MACROD2: variants seen among roughly 807,000 people sequenced by gnomAD.
MACROD2 encodes the protein mono-ADP ribosylhydrolase 2, also known as ADP-ribose glycohydrolase MACROD2.
MACROD2 carries 36 observed loss-of-function variants against 70.4 expected under a neutral mutation model. The ratio of observed to expected loss-of-function variants is 0.51; its 90% CI spans 0.39 to 0.68. The LOEUF (loss-of-function observed/expected upper bound fraction) is 0.68. Among genes scored for constraint, MACROD2 ranks in the 30% least tolerant of loss-of-function variants. The probability of loss-of-function intolerance (pLI) is 0.00; values close to 1 mark genes in which losing one functional copy is unlikely to be tolerated. For missense variants in MACROD2, 496 were observed against 538.4 expected (o/e 0.92, Z 0.78); for synonymous variants, 172 against 178.8 (o/e 0.96, Z 0.30).
At chr20:15,959,119 T>G (rs550943612) in intron 12 of MACROD2, among the ~76,000 whole-genome samples, 1 of 152,346 alleles carries the variant, frequency 6.6e-6, no homozygotes, top group Non-Finnish European at 1.5e-5. Context: ...AACAAAATCC[T>G]TCTATAATTG....
intron 8 of MACROD2, among the ~76,000 whole-genome samples, chr20:15,808,244 C>T (rs772757341): frequency 1.8e-4 from 27 of 152,166 alleles, no homozygotes; most frequent in Non-Finnish European, 4.4e-5. Context: ...GGCTGTGGCT[C>T]TTCCTGCTAC....
At chr20:15,967,694 A>G in intron 13 of MACROD2, 64 bp downstream of exon 13, 1 of 1,410,228 alleles carries the variant, frequency 7.1e-7, no homozygotes, top group South Asian at 1.3e-5. Context: ...AAAAAAAAAA[A>G]AAAAAAACCC....
intron 9 of MACROD2, among the ~76,000 whole-genome samples, chr20:15,876,091 T>TTTTATATATATATATATATATA (rs1555789633): frequency 4.2e-4 from 14 of 33,104 alleles, no homozygotes; most frequent in African/African-American, 1.0e-3. Context: ...TACATGTCTT[T>TTTTATATATATATATATATATA]TATATATATA....
At chr20:15,279,163 T>G (rs1168081681) in intron 6 of MACROD2, among the ~76,000 whole-genome samples, 1 of 152,236 alleles carries the variant, frequency 6.6e-6, no homozygotes, top group Non-Finnish European at 1.5e-5. Flanking sequence ...TTCTGTGTTG[T>G]TAATGGCTTA....
At chr20:14,945,119 T>G (rs1228317117) in intron 5 of MACROD2, among the ~76,000 whole-genome samples, 1 of 151,936 alleles carries the variant, frequency 6.6e-6, no homozygotes, top group Admixed American at 6.6e-5. Flanking sequence ...TCTTTCTTTT[T>G]TTTTTCTTTT....
chr20:15,761,068 C>T (rs560049997), intron 8 of MACROD2, among the ~76,000 whole-genome samples: 7 of 152,174 alleles, frequency 4.6e-5, no homozygotes, highest in South Asian at 4.1e-4. Context: ...TGTTTTGAGA[C>T]GGAGTCTCAC....
intron 8 of MACROD2, among the ~76,000 whole-genome samples, chr20:15,861,764 G>A (rs1446252259): frequency 6.6e-6 from 1 of 152,156 alleles, no homozygotes; most frequent in Non-Finnish European, 1.5e-5. Context: ...CATCACACAG[G>A]TTTGGAGAGC....
intron 8 of MACROD2, among the ~76,000 whole-genome samples, chr20:15,715,797 G>A (rs4813188): frequency 0.91 from 138,302 of 152,182 alleles, 63,272 homozygotes; most frequent in African/African-American, 0.96. Flanking sequence ...AGCCCTAATC[G>A]AAGTGTTTGA....
intron 2 of MACROD2, among the ~76,000 whole-genome samples, chr20:14,036,006 G>C (rs537238889): frequency 6.7e-5 from 10 of 149,706 alleles, no homozygotes; most frequent in Non-Finnish European, 1.5e-4. Context: ...GCCAGGCGTG[G>C]TGGCGGGTGC....
chr20:15,441,699 A>T (rs1268712936), intron 7 of MACROD2, among the ~76,000 whole-genome samples: 1 of 152,172 alleles, frequency 6.6e-6, no homozygotes, highest in Admixed American at 6.6e-5. Flanking sequence ...TGGGGTTTGG[A>T]TGTGCACTCC....
intron 6 of MACROD2, among the ~76,000 whole-genome samples, chr20:15,416,622 TG>T (rs1378046576): frequency 6.6e-6 from 1 of 152,180 alleles, no homozygotes; most frequent in Non-Finnish European, 1.5e-5. Flanking sequence ...GTGGCTGTAT[TG>T]GCTGGGCAAG....
intron 8 of MACROD2, among the ~76,000 whole-genome samples, chr20:15,652,771 T>C (rs891727920): frequency 6.6e-6 from 1 of 152,142 alleles, no homozygotes; most frequent in Non-Finnish European, 1.5e-5. Flanking sequence ...TCTACTCCCT[T>C]TCTGCCCTAG....
In MACROD2 at chr20:15,530,712, CT is replaced by C. The variant is rs2047786032; in HGVS notation, c.645+30866del. On this transcript the variant is annotated intron_variant, in intron 8 of 17. Coordinates refer to ENST00000684519, the MANE Select transcript of MACROD2 (RefSeq NM_001351661.2). ...CCTGGGTGACAGAGTGAGACTCCATCTCACAAAAAAAAAAAAAAAAAAAGAT... is the reference window on the plus strand; with the variant it reads ...CCTGGGTGACAGAGTGAGACTCCATCCACAAAAAAAAAAAAAAAAAAAGAT... Among the ~76,000 whole-genome samples, 8 of 100,094 alleles carry C rather than the reference CT, an allele frequency of 8.0e-5. No homozygotes were observed. In the South Asian group the frequency reaches 3.2e-3, roughly 39 times the overall value. 65.7% of individuals were successfully genotyped at this position (100,094 alleles called of 152,430 possible). A position where few individuals can be genotyped will look rare whatever the true frequency, so the allele number is the denominator to read the frequency against.
At chr20:15,396,281 A>C (rs2045859034) in intron 6 of MACROD2, among the ~76,000 whole-genome samples, 1 of 152,174 alleles carries the variant, frequency 6.6e-6, no homozygotes, top group South Asian at 2.1e-4. Flanking sequence ...TCCAGGTAAG[A>C]TTTACTTTGA....
intron 5 of MACROD2, among the ~76,000 whole-genome samples, chr20:14,965,941 G>A (rs1400884239): frequency 1.3e-5 from 2 of 152,088 alleles, no homozygotes; most frequent in East Asian, 1.9e-4. Context: ...AAATTATGGT[G>A]CAGTTGAAAA....
intron 3 of MACROD2, among the ~76,000 whole-genome samples, chr20:14,221,069 T>C (rs112622408): frequency 2.2e-4 from 33 of 152,362 alleles, no homozygotes; most frequent in African/African-American, 6.3e-4. Context: ...TCCAGCAGTG[T>C]TCTGATAACA....
At chr20:14,677,669 A>G (rs1312070956) in intron 4 of MACROD2, among the ~76,000 whole-genome samples, 1 of 152,076 alleles carries the variant, frequency 6.6e-6, no homozygotes, top group Non-Finnish European at 1.5e-5. Context: ...CTCAGTGTTC[A>G]CCCCAATACT....
chr20:15,102,174 G>A (rs2075877923), intron 5 of MACROD2, among the ~76,000 whole-genome samples: 3 of 151,762 alleles, frequency 2.0e-5, no homozygotes, highest in African/African-American at 7.3e-5. Context: ...AATACAGACA[G>A]GCAAATAAAA....
intron 5 of MACROD2, among the ~76,000 whole-genome samples, chr20:14,706,369 G>GT: frequency 6.6e-6 from 1 of 151,960 alleles, no homozygotes; most frequent in East Asian, 1.9e-4. Flanking sequence ...AGAGTTTATG[G>GT]TTTTCTCCAG....
Sources: allele counts gnomAD v4.1 joint callset (sites outside exome capture counted in the v4.1 genomes callset), GRCh38; gene constraint gnomAD v4.1.1; transcripts MANE v1.5; gene names NCBI Gene and HGNC (gene_info 2026-07-23, HGNC 2026-07-21).